Variants in ADARB2 observed in about 807,000 individuals in gnomAD.
The protein encoded by ADARB2 is inactive double-stranded RNA-specific editase B2.
A neutral mutation model predicts 62.2 loss-of-function variants in ADARB2; 25 were observed. The ratio of observed to expected loss-of-function variants is 0.40; its 90% CI spans 0.29 to 0.56. ADARB2 has a LOEUF of 0.56. Among genes scored for constraint, ADARB2 ranks in the 20% least tolerant of loss-of-function variants. The pLI, the probability that ADARB2 is intolerant of heterozygous loss-of-function variation, is 0.43. For synonymous variants in ADARB2, 572 were observed against 500.8 expected (o/e 1.14, Z -1.90); for missense variants, 1,071 against 1,077.4 (o/e 0.99, Z 0.08).
chr10:1,399,172 C>T (rs1832641093), intron 1 of ADARB2, among the ~76,000 whole-genome samples: 1 of 152,200 alleles, frequency 6.6e-6, no homozygotes, highest in South Asian at 2.1e-4. Context: ...CCTACAGGGG[C>T]CAATGGCAGT....
intron 1 of ADARB2, among the ~76,000 whole-genome samples, chr10:1,608,772 AAG>A (rs1205763145): frequency 4.4e-5 from 4 of 90,278 alleles, no homozygotes; most frequent in East Asian, 5.0e-4. Context: ...AAGAAAGAGA[AAG>A]AGAAAGAAAG....
intron 2 of ADARB2, among the ~76,000 whole-genome samples, chr10:1,366,095 G>C (rs1332906273): frequency 6.6e-6 from 1 of 152,204 alleles, no homozygotes; most frequent in Non-Finnish European, 1.5e-5. Context: ...CAAGGCTGCT[G>C]ATGCGTGGGT....
chr10:1,535,036 T>G (rs1303509308), intron 1 of ADARB2: 1 of 166,680 alleles, frequency 6.0e-6, no homozygotes, highest in African/African-American at 2.4e-5. Flanking sequence ...GGTGAGTTAT[T>G]CACAGGTGAA....
At chr10:1,243,104 CT>C (rs1299222063) in intron 4 of ADARB2, among the ~76,000 whole-genome samples, 1 of 152,172 alleles carries the variant, frequency 6.6e-6, no homozygotes, top group Admixed American at 6.5e-5. Flanking sequence ...CAAGCAAGGG[CT>C]CCCTAGGGAG....
intron 6 of ADARB2, among the ~76,000 whole-genome samples, chr10:1,233,384 C>T (rs570050564): frequency 2.6e-5 from 4 of 152,240 alleles, no homozygotes; most frequent in East Asian, 3.9e-4. Flanking sequence ...GTAACTCTCA[C>T]TGGCCTTCCC....
intron 3 of ADARB2, among the ~76,000 whole-genome samples, chr10:1,278,484 T>C (rs529747193): frequency 6.6e-6 from 1 of 151,388 alleles, no homozygotes; most frequent in Non-Finnish European, 1.5e-5. Flanking sequence ...GTGAGTACTC[T>C]TATGTTTATC....
intron 1 of ADARB2, among the ~76,000 whole-genome samples, chr10:1,508,104 C>T (rs1307581955): frequency 1.3e-5 from 2 of 152,146 alleles, no homozygotes; most frequent in African/African-American, 2.4e-5. Flanking sequence ...AGTGAGGTCG[C>T]GTGTGAACGT....
intron 1 of ADARB2, among the ~76,000 whole-genome samples, chr10:1,501,376 G>A (rs1370682452): frequency 2.0e-5 from 3 of 152,202 alleles, no homozygotes; most frequent in Non-Finnish European, 4.4e-5. Flanking sequence ...CTCAAAGGCA[G>A]CATTCTCCTC....
At chr10:1,457,530 T>A (rs569655882) in intron 1 of ADARB2, among the ~76,000 whole-genome samples, 1 of 152,254 alleles carries the variant, frequency 6.6e-6, no homozygotes, top group South Asian at 2.1e-4. Flanking sequence ...TAAAATGGAA[T>A]CTTGGGACCC....
chr10:1,644,119 C>G (rs1834008314), intron 1 of ADARB2, among the ~76,000 whole-genome samples: 2 of 152,228 alleles, frequency 1.3e-5, no homozygotes, highest in Admixed American at 1.3e-4. Flanking sequence ...TTTACACGAG[C>G]TGAGGATAAA....
intron 3 of ADARB2, among the ~76,000 whole-genome samples, chr10:1,326,437 G>A (rs556568088): frequency 1.3e-5 from 2 of 152,210 alleles, no homozygotes; most frequent in Non-Finnish European, 2.9e-5. Flanking sequence ...CAGGAAAGGC[G>A]AGACCCCACG....
chr10:1,468,416 C>T (rs549424588), intron 1 of ADARB2, among the ~76,000 whole-genome samples: 23 of 152,306 alleles, frequency 1.5e-4, no homozygotes, highest in East Asian at 9.7e-4. Context: ...GTGGCGTCAA[C>T]GGGGAGATGC....
At chr10:1,707,241 C>G (rs1261408293) in intron 1 of ADARB2, among the ~76,000 whole-genome samples, 1 of 152,364 alleles carries the variant, frequency 6.6e-6, no homozygotes, top group Admixed American at 6.5e-5. Flanking sequence ...CCCATAGGCG[C>G]CTCCTTTCAC....
At chr10:1,518,103 G>A (rs1391825502) in intron 1 of ADARB2, among the ~76,000 whole-genome samples, 1 of 152,176 alleles carries the variant, frequency 6.6e-6, no homozygotes, top group Non-Finnish European at 1.5e-5. Context: ...TACTTTGTAC[G>A]TGAGAGGCCA....
At chr10:1,620,660 T>A (rs1250516311) in intron 1 of ADARB2, among the ~76,000 whole-genome samples, 2 of 152,280 alleles carry the variant, frequency 1.3e-5, no homozygotes, top group African/African-American at 4.8e-5. Flanking sequence ...AGCACAAAAA[T>A]ATCACAAAAA....
intron 3 of ADARB2, among the ~76,000 whole-genome samples, chr10:1,303,965 A>G (rs1204135086): frequency 3.3e-5 from 5 of 152,220 alleles, no homozygotes; most frequent in African/African-American, 1.2e-4. Context: ...AACTGCATCA[A>G]CTAATGAGCA....
chr10:1,229,845 CGTGTGT>C (rs761808070), intron 6 of ADARB2, among the ~76,000 whole-genome samples: 3,704 of 120,180 alleles, frequency 0.031, 54 homozygotes, highest in Non-Finnish European at 0.044. Context: ...CATGTGCTTA[CGTGTGT>C]GTGTGTGTGT....
At chr10:1,290,888 G>A (rs1237202705) in intron 3 of ADARB2, 1 of 152,138 alleles carries the variant, frequency 6.6e-6, no homozygotes, top group Non-Finnish European at 1.5e-5. Flanking sequence ...TTGTGAAACT[G>A]GTGCTTTCTG....
chr10:1,247,769 C>T (rs576221813), intron 4 of ADARB2, among the ~76,000 whole-genome samples: 3 of 152,210 alleles, frequency 2.0e-5, no homozygotes, highest in Non-Finnish European at 2.9e-5. Flanking sequence ...GCCACCATGG[C>T]GGGACCACAG....
Sources: allele counts gnomAD v4.1 joint callset (sites outside exome capture counted in the v4.1 genomes callset), GRCh38; gene constraint gnomAD v4.1.1; transcripts MANE v1.5; gene names NCBI Gene and HGNC (gene_info 2026-07-23, HGNC 2026-07-21).